DEPTOR: variants seen among roughly 807,000 people sequenced by gnomAD.
DEPTOR encodes the protein DEP domain containing MTOR interacting protein.
In DEPTOR, 41 loss-of-function variants were observed where a neutral mutation model predicts 41.6. The ratio of observed to expected loss-of-function variants is 0.98; its 90% confidence interval spans 0.77 to 1.28. DEPTOR has a LOEUF of 1.28. Among genes scored for constraint, DEPTOR ranks in the 50% most tolerant of loss-of-function variants. The pLI is 0.00. For missense variants in DEPTOR, 514 were observed against 527.9 expected (o/e 0.97, Z 0.26); for synonymous variants, 195 against 192.3 (o/e 1.01, Z -0.12).
At chr8:119,879,558 A>G (rs2129668499) in intron 1 of DEPTOR, among the ~76,000 whole-genome samples, 2 of 151,704 alleles carry the variant, frequency 1.3e-5, no homozygotes, top group African/African-American at 4.8e-5. Flanking sequence ...ATAAAAATAC[A>G]AAAATTATCT....
chr8:119,912,765 C>T (rs962622515), intron 1 of DEPTOR, among the ~76,000 whole-genome samples: 1 of 152,212 alleles, frequency 6.6e-6, no homozygotes, highest in African/African-American at 2.4e-5. Context: ...GTTTTGTGCT[C>T]CCTGGCCTTG....
rs182117418 is a variant in DEPTOR, at chr8:120,044,135, C to T, written c.1102-5441C>T. ...TTAAGTATGTAAAACAAAGGCAGAT[C>T]CAGAGAACCAAGCTTTTTATTTTTA... is the stretch of plus-strand genomic sequence containing the variant. On this transcript the variant is annotated intron_variant, in intron 8 of 8. Coordinates refer to ENST00000286234, the MANE Select transcript of DEPTOR (RefSeq NM_022783.4). 1.1e-3 allele frequency among the ~76,000 whole-genome samples: 168 copies of T among 151,214 alleles called. 1 individual carries two copies. Among genetic ancestry groups the T allele is most frequent in the African/African-American group, 3.9e-3 (161 of 41,304 alleles).
intron 1 of DEPTOR, among the ~76,000 whole-genome samples, chr8:119,879,892 C>G (rs373933551): frequency 6.6e-6 from 1 of 152,006 alleles, no homozygotes; most frequent in Non-Finnish European, 1.5e-5. Flanking sequence ...GCCTGTAATC[C>G]CAGGACTTTG....
intron 1 of DEPTOR, among the ~76,000 whole-genome samples, chr8:119,919,503 A>G (rs1050787839): frequency 2.0e-5 from 3 of 152,154 alleles, no homozygotes; most frequent in Non-Finnish European, 4.4e-5. Context: ...TCTGAATTAG[A>G]AAATAAGTTC....
chr8:120,034,019 G>T (rs944387448), intron 8 of DEPTOR, among the ~76,000 whole-genome samples: 3 of 152,006 alleles, frequency 2.0e-5, no homozygotes, highest in African/African-American at 7.2e-5. Context: ...GTGAGCCGAG[G>T]TCACACTATT....
At chr8:119,964,728 C>T (rs542883703) in intron 3 of DEPTOR, among the ~76,000 whole-genome samples, 1 of 152,106 alleles carries the variant, frequency 6.6e-6, no homozygotes, top group East Asian at 1.9e-4. Context: ...GATTGCATTT[C>T]CAATTTTTTT....
At chr8:119,884,230 G>A (rs1827335249) in intron 1 of DEPTOR, among the ~76,000 whole-genome samples, 1 of 152,094 alleles carries the variant, frequency 6.6e-6, no homozygotes, top group Non-Finnish European at 1.5e-5. Flanking sequence ...ACTAATTTCT[G>A]TATTTTCAGT....
intron 4 of DEPTOR, among the ~76,000 whole-genome samples, chr8:119,987,659 C>A (rs1188397827): frequency 6.6e-6 from 1 of 152,154 alleles, no homozygotes; most frequent in African/African-American, 2.4e-5. Context: ...GTGCTCTGTC[C>A]CAGGGAGAGG....
chr8:120,005,072 A>G (rs549743336), intron 6 of DEPTOR, among the ~76,000 whole-genome samples: 7 of 152,320 alleles, frequency 4.6e-5, no homozygotes, highest in Admixed American at 4.6e-4. Context: ...ATTTTTCAAC[A>G]TAATAAAGAG....
chr8:119,993,052 T>C (rs1175625551), intron 4 of DEPTOR, among the ~76,000 whole-genome samples: 1 of 152,190 alleles, frequency 6.6e-6, no homozygotes, highest in Non-Finnish European at 1.5e-5. Context: ...TGGGAGCCAA[T>C]TTCCCCCCTT....
intron 4 of DEPTOR, among the ~76,000 whole-genome samples, chr8:119,972,917 T>G (rs999517587): frequency 2.0e-5 from 3 of 152,142 alleles, no homozygotes; most frequent in Non-Finnish European, 2.9e-5. Flanking sequence ...TTGGGTAACA[T>G]TTGCAAATGG....
At chr8:119,877,524 C>CT (rs1827244521) in intron 1 of DEPTOR, among the ~76,000 whole-genome samples, 1 of 152,100 alleles carries the variant, frequency 6.6e-6, no homozygotes, top group Admixed American at 6.5e-5. Context: ...CCTCCTGCCT[C>CT]TAAGTGCTTC....
Position 120,049,982 on chromosome 8 carries a change from G to GT in DEPTOR, c.*284dup, listed in dbSNP as rs1813211861. ...TTTCTATTTGTAGCTCTCATTCATTGTTTTTTATCTTAGTTTGCAGAAAGG... is the reference window on the plus strand; with the variant it reads ...TTTCTATTTGTAGCTCTCATTCATTGTTTTTTTATCTTAGTTTGCAGAAAGG... On this transcript the variant is annotated 3_prime_UTR_variant, in exon 9 of 9. Coordinates refer to ENST00000286234, the MANE Select transcript of DEPTOR (RefSeq NM_022783.4). The GT allele has an allele frequency of 8.2e-6, 2 of 243,602 alleles. No homozygotes were observed. The highest frequency in any genetic ancestry group is 1.9e-4 in the East Asian group (2 of 10,776). The allele number at this position is 243,602 out of a possible 1,614,324, so 15.1% of individuals were successfully genotyped here. A position where few individuals can be genotyped will look rare whatever the true frequency, so the allele number is the denominator to read the frequency against.
At chr8:120,044,921 A>G (rs1206503245) in intron 8 of DEPTOR, among the ~76,000 whole-genome samples, 3 of 152,230 alleles carry the variant, frequency 2.0e-5, no homozygotes, top group African/African-American at 4.8e-5. Context: ...AGGTTGGTGC[A>G]AAAGTAACTG....
intron 1 of DEPTOR, among the ~76,000 whole-genome samples, chr8:119,904,694 C>G (rs1482751982): frequency 6.6e-6 from 1 of 151,520 alleles, no homozygotes. Context: ...CGGGGTTTCA[C>G]CATGTTAGCC....
intron 4 of DEPTOR, among the ~76,000 whole-genome samples, chr8:119,980,803 C>G (rs1379513941): frequency 1.3e-5 from 2 of 152,132 alleles, no homozygotes; most frequent in Non-Finnish European, 2.9e-5. Context: ...CAGGTGTGAG[C>G]CACTGTGCCC....
At chr8:119,903,664 G>T (rs1375568335) in intron 1 of DEPTOR, among the ~76,000 whole-genome samples, 1 of 152,104 alleles carries the variant, frequency 6.6e-6, no homozygotes, top group African/African-American at 2.4e-5. Context: ...TGTCAACTAT[G>T]AGAGTACTTA....
intron 4 of DEPTOR, among the ~76,000 whole-genome samples, chr8:119,972,099 T>C (rs1434622419): frequency 6.6e-6 from 1 of 152,154 alleles, no homozygotes; most frequent in African/African-American, 2.4e-5. Flanking sequence ...CTGCACAGAA[T>C]TGTTGGGAGA....
At chr8:119,898,369 A>G (rs1253024493) in intron 1 of DEPTOR, among the ~76,000 whole-genome samples, 2 of 152,208 alleles carry the variant, frequency 1.3e-5, no homozygotes, top group East Asian at 3.8e-4. Context: ...ACAAGAGATT[A>G]TAAATTTATA....
Sources: gnomAD v4.1 joint callset for allele counts (sites outside exome capture counted in the v4.1 genomes callset) on GRCh38, gnomAD v4.1.1 for gene constraint, MANE v1.5 for transcripts, NCBI Gene and HGNC (gene_info 2026-07-23, HGNC 2026-07-21) for gene names.